The following OLA1 variants were observed in gnomAD, a reference collection of about 807,000 sequenced individuals.
The protein encoded by OLA1 is Obg like ATPase 1, also known as obg-like ATPase 1.
OLA1 carries 14 observed loss-of-function variants against 48.4 expected under a neutral mutation model. The observed-to-expected ratio is 0.29, with a 90% CI of 0.19 to 0.45. OLA1 has a LOEUF of 0.45. Among genes scored for constraint, OLA1 ranks in the 20% least tolerant of loss-of-function variants. The pLI, the probability that OLA1 is intolerant of heterozygous loss-of-function variation, is 1.00. For synonymous variants in OLA1, 127 were observed against 150.4 expected (o/e 0.84, Z 1.14); for missense variants, 325 against 467.1 (o/e 0.70, Z 2.80).
intron 5 of OLA1, among the ~76,000 whole-genome samples, chr2:174,140,364 T>A (rs1686415719): frequency 6.6e-6 from 1 of 151,058 alleles, no homozygotes; most frequent in South Asian, 2.1e-4. Context: ...CTTTTCTTTT[T>A]CTTTCTTTTT....
Position 174,212,797 on chromosome 2 carries a change from C to T in OLA1, c.373+10236G>A, listed in dbSNP as rs1011605384. On this transcript the variant is annotated intron_variant, in intron 4 of 10. Transcript: ENST00000284719. Reference sequence around the variant, plus strand: ...TCATCAGTGTCACTGTCTTCCACCTCCACATCTTGTCCCACTGGAAGGTCT... The same window carrying T: ...TCATCAGTGTCACTGTCTTCCACCTTCACATCTTGTCCCACTGGAAGGTCT... 1.8e-4 allele frequency among the ~76,000 whole-genome samples: 27 copies of T among 152,300 alleles called. 4 individuals carry two copies. The highest frequency in any genetic ancestry group is 1.4e-3 in the Admixed American group (22 of 15,298).
At chr2:174,164,385 G>GCATAGTGCAGAATGGATCCCA (rs1553485219) in intron 4 of OLA1, among the ~76,000 whole-genome samples, 1 of 151,518 alleles carries the variant, frequency 6.6e-6, no homozygotes, top group African/African-American at 2.4e-5. Flanking sequence ...ATACCATTCT[G>GCATAGTGCAGAATGGATCCCA]TTTTATGTTT....
chr2:174,107,076 A>G (rs1685528839), intron 7 of OLA1, among the ~76,000 whole-genome samples: 1 of 152,156 alleles, frequency 6.6e-6, no homozygotes, highest in African/African-American at 2.4e-5. Flanking sequence ...TGAGTGAGGA[A>G]GGGGATGGAC....
intron 4 of OLA1, among the ~76,000 whole-genome samples, chr2:174,214,715 G>C (rs913774250): frequency 4.6e-5 from 7 of 152,132 alleles, no homozygotes; most frequent in Admixed American, 3.3e-4. Context: ...CTGCCCGTTA[G>C]TTCAAAATTT....
chr2:174,228,302 T>C (rs909897590), intron 3 of OLA1, among the ~76,000 whole-genome samples: 1 of 152,182 alleles, frequency 6.6e-6, no homozygotes, highest in African/African-American at 2.4e-5. Context: ...ATTCATATAA[T>C]ATAGCAATAA....
intron 4 of OLA1, among the ~76,000 whole-genome samples, chr2:174,220,996 CAA>C (rs1688487888): frequency 6.6e-6 from 1 of 152,112 alleles, no homozygotes; most frequent in African/African-American, 2.4e-5. Context: ...CTAATCTCTA[CAA>C]GTCTTTTTTT....
rs1260450977 is a variant in OLA1, at chr2:174,072,835, GT to G, written c.*2590del. The stretch of plus-strand genomic sequence containing the variant: ...GAACAGAGGCTTCACTCATAACTAA[GT>G]TAGCGACAAAAACTATTTGTGCTTC... On this transcript the variant is annotated 3_prime_UTR_variant, in exon 11 of 11. Transcript: ENST00000284719. The G allele has an allele frequency of 6.6e-6, 1 of 152,232 alleles. No homozygotes were observed. The highest frequency in any genetic ancestry group is 1.5e-5 in the Non-Finnish European group (1 of 68,044). The allele number at this position is 152,232 out of a possible 1,614,324, so 9.4% of individuals were successfully genotyped here.
chr2:174,168,068 G>A (rs1687209381), intron 4 of OLA1, among the ~76,000 whole-genome samples: 1 of 152,134 alleles, frequency 6.6e-6, no homozygotes, highest in African/African-American at 2.4e-5. Flanking sequence ...ATTATATGAA[G>A]GAAATTCATC....
intron 5 of OLA1, among the ~76,000 whole-genome samples, chr2:174,134,284 A>C (rs1379431521): frequency 1.3e-5 from 2 of 152,228 alleles, no homozygotes; most frequent in Non-Finnish European, 2.9e-5. Context: ...CAGAGAAAGT[A>C]AATTTCGTTG....
At chr2:174,093,138 A>C (rs1455438720) in intron 7 of OLA1, among the ~76,000 whole-genome samples, 1 of 152,220 alleles carries the variant, frequency 6.6e-6, no homozygotes, top group Non-Finnish European at 1.5e-5. Context: ...ACAACCTGTG[A>C]ATCCAGGCTT....
chr2:174,194,956 TC>T (rs1185282921), intron 4 of OLA1, among the ~76,000 whole-genome samples: 1 of 151,748 alleles, frequency 6.6e-6, no homozygotes, highest in Non-Finnish European at 1.5e-5. Context: ...TCATATTTTC[TC>T]TCTCTCTCTC....
At chr2:174,241,067 G>A (rs930015227) in intron 2 of OLA1, among the ~76,000 whole-genome samples, 3 of 152,066 alleles carry the variant, frequency 2.0e-5, no homozygotes, top group Non-Finnish European at 4.4e-5. Context: ...CCATTCTCTC[G>A]AGAGCCAGAC....
At chr2:174,129,490 A>AATAC (rs1686126903) in intron 5 of OLA1, among the ~76,000 whole-genome samples, 1 of 150,320 alleles carries the variant, frequency 6.7e-6, no homozygotes, top group South Asian at 2.1e-4. Flanking sequence ...TAAATAAATA[A>AATAC]ATAAATAAAT....
chr2:174,212,192 G>A (rs1688260403), intron 4 of OLA1, among the ~76,000 whole-genome samples: 1 of 152,136 alleles, frequency 6.6e-6, no homozygotes, highest in Non-Finnish European at 1.5e-5. Flanking sequence ...AGGCTAAATG[G>A]TATAGCCTAT....
intron 5 of OLA1, among the ~76,000 whole-genome samples, chr2:174,135,160 C>CAAAAAAAA (rs71405180): frequency 4.7e-5 from 4 of 85,946 alleles, no homozygotes; most frequent in East Asian, 2.9e-4. Context: ...ACTCCGCCTC[C>CAAAAAAAA]AAAAAAAAAA....
chr2:174,149,469 G>T (rs1006356306), intron 4 of OLA1, among the ~76,000 whole-genome samples: 6 of 152,024 alleles, frequency 3.9e-5, no homozygotes, highest in Non-Finnish European at 8.8e-5. Flanking sequence ...ATACTCTGAG[G>T]CAGTATCAAA....
chr2:174,169,938 G>A lies in OLA1; in HGVS notation c.374-27938C>T, dbSNP rs971121829. Among the ~76,000 whole-genome samples the A allele has an allele frequency of 2.6e-5, 4 of 152,054 alleles. No individual in the cohort carries two copies. In the South Asian group the frequency reaches 6.2e-4, roughly 24 times the overall value. On this transcript the variant is annotated intron_variant, in intron 4 of 10. Transcript: ENST00000284719. The stretch of plus-strand genomic sequence containing the variant: ...AATTGTGGGATTTACAAAATGTGTA[G>A]AGTATTACATACAACTATGGCATAA...
At chr2:174,129,345 C>G (rs1437996707) in intron 5 of OLA1, among the ~76,000 whole-genome samples, 1 of 151,886 alleles carries the variant, frequency 6.6e-6, no homozygotes, top group African/African-American at 2.4e-5. Context: ...GTAGTCCCAG[C>G]TACTCGGGAG....
At chr2:174,179,287 T>C (rs1019241046) in intron 4 of OLA1, among the ~76,000 whole-genome samples, 1 of 151,834 alleles carries the variant, frequency 6.6e-6, no homozygotes, top group Non-Finnish European at 1.5e-5. Flanking sequence ...TGGCTATTAG[T>C]ACAACACATC....
Sources: gnomAD v4.1 joint callset for allele counts (sites outside exome capture counted in the v4.1 genomes callset) on GRCh38, gnomAD v4.1.1 for gene constraint, MANE v1.5 for transcripts, NCBI Gene and HGNC (gene_info 2026-07-23, HGNC 2026-07-21) for gene names.